The following FRMPD4 variants were observed in gnomAD, a reference collection of about 807,000 sequenced individuals.
FRMPD4 encodes the protein FERM and PDZ domain containing 4.
Under a neutral mutation model 94.1 loss-of-function variants are expected in FRMPD4, and 22 were observed. The observed-to-expected ratio is 0.23, with a 90% confidence interval of 0.17 to 0.33. The LOEUF is 0.33. Among genes scored for constraint, FRMPD4 ranks in the 10% least tolerant of loss-of-function variants. The pLI is 1.00. For synonymous variants in FRMPD4, 631 were observed against 548.6 expected, an observed-to-expected ratio of 1.15 and a Z score of -2.10; for missense variants, 1,111 against 1,339.9, an observed-to-expected ratio of 0.83 and a Z score of 2.67.
At chrX:12,553,925 G>C (rs989183053) in intron 2 of FRMPD4, among the ~76,000 whole-genome samples, 1 of 111,638 alleles carries the variant, frequency 9.0e-6, no homozygotes, top group Non-Finnish European at 1.9e-5. Flanking sequence ...AAATTTTATG[G>C]TTGTATTTTT....
chrX:12,685,569 T>TTGTTTC lies in FRMPD4; in HGVS notation c.574-523_574-522insCTGTTT, dbSNP rs747497280. On this transcript the variant is annotated intron_variant, in intron 6 of 16. Transcript: ENST00000675598. ...TCCCTTGGAGTTTTGTTTTTTGTTT[T>TTGTTTC]TGTTTTTGTTTTTGTTTTTGTTTTG... Among the ~76,000 whole-genome samples, 13 of 110,864 alleles carry TTGTTTC rather than the reference T, an allele frequency of 1.2e-4. No homozygotes were observed. The East Asian group carries it at 3.1e-3, about 26-fold the overall frequency.
intron 1 of FRMPD4, among the ~76,000 whole-genome samples, chrX:11,849,627 C>T (rs1323973195): frequency 7.5e-5 from 8 of 107,277 alleles, no homozygotes; most frequent in Non-Finnish European, 1.5e-4. Flanking sequence ...ATAACATGGT[C>T]AAATGATTTT....
At chrX:12,717,178 T>C (rs1434263659) in intron 15 of FRMPD4, 45 bp downstream of exon 15, 1 of 876,378 alleles carries the variant, frequency 1.1e-6, no homozygotes, top group Non-Finnish European at 1.6e-6. Flanking sequence ...ACCATATCAT[T>C]CCATCCTTCC....
intron 1 of FRMPD4, among the ~76,000 whole-genome samples, chrX:12,240,301 C>T (rs1485774145): frequency 8.9e-6 from 1 of 111,893 alleles, no homozygotes; most frequent in African/African-American, 3.2e-5. Context: ...AACTCTCAGG[C>T]GGTTTTAAGG....
chrX:12,041,515 G>A (rs1185876440), intron 3 of FRMPD4, among the ~76,000 whole-genome samples: 1 of 53,772 alleles, frequency 1.9e-5, no homozygotes, highest in Admixed American at 2.0e-4. Flanking sequence ...CTAATTTGAA[G>A]TCAGCTGTTG....
At chrX:12,182,968 C>A (rs2056379319) in intron 1 of FRMPD4, among the ~76,000 whole-genome samples, 2 of 111,357 alleles carry the variant, frequency 1.8e-5, no homozygotes, top group South Asian at 7.5e-4. Context: ...TCTGCTATAC[C>A]AAGGCAGGAG....
chrX:12,382,493 T>TAG (rs1293790415), intron 1 of FRMPD4, among the ~76,000 whole-genome samples: 1 of 78,067 alleles, frequency 1.3e-5, no homozygotes, highest in African/African-American at 5.6e-5. Flanking sequence ...TAGCATAGCA[T>TAG]AGCATAGCAT....
intron 3 of FRMPD4, among the ~76,000 whole-genome samples, chrX:12,013,143 T>C (rs932555262): frequency 8.9e-6 from 1 of 111,878 alleles, no homozygotes; most frequent in Non-Finnish European, 1.9e-5. Context: ...TAAGGAAATG[T>C]CTCTCAGCAG....
At chrX:12,551,089 T>C (rs967375545) in intron 2 of FRMPD4, among the ~76,000 whole-genome samples, 1 of 111,187 alleles carries the variant, frequency 9.0e-6, no homozygotes, top group Non-Finnish European at 1.9e-5. Context: ...TAGTTTATCA[T>C]GTAAACATAT....
intron 2 of FRMPD4, among the ~76,000 whole-genome samples, chrX:12,548,926 T>C (rs1258287445): frequency 1.8e-5 from 2 of 111,583 alleles, no homozygotes; most frequent in Non-Finnish European, 3.8e-5. Context: ...TCCTTCATAA[T>C]GAGTTCCTCC....
At chrX:12,332,251 C>A (rs2055441725) in intron 1 of FRMPD4, among the ~76,000 whole-genome samples, 1 of 81,347 alleles carries the variant, frequency 1.2e-5, no homozygotes, top group African/African-American at 4.8e-5. Flanking sequence ...GAGAATTTGG[C>A]CATGGACTGA....
chrX:11,957,172 T>C (rs1335358607), intron 3 of FRMPD4, among the ~76,000 whole-genome samples: 1 of 112,021 alleles, frequency 8.9e-6, no homozygotes, highest in Non-Finnish European at 1.9e-5. Flanking sequence ...ATCATGACTC[T>C]CATACATACA....
chrX:12,574,698 A>C (rs149249459), intron 2 of FRMPD4, among the ~76,000 whole-genome samples: 2,163 of 110,632 alleles, frequency 0.02, 56 homozygotes, highest in African/African-American at 0.068. Context: ...GAGTTTCGCC[A>C]TGCTGCCCAG....
intron 5 of FRMPD4, among the ~76,000 whole-genome samples, chrX:12,679,575 T>TG (rs1299413189): frequency 8.9e-6 from 1 of 111,991 alleles, no homozygotes; most frequent in African/African-American, 3.3e-5. Flanking sequence ...TTTATCACAC[T>TG]GGTGCACCTG....
intron 1 of FRMPD4, among the ~76,000 whole-genome samples, chrX:12,198,167 C>A (rs974616521): frequency 9.0e-5 from 10 of 111,572 alleles, no homozygotes; most frequent in Non-Finnish European, 1.9e-4. Context: ...AATTCTAAAC[C>A]TTTCTGGGAT....
chrX:12,719,815 G>A (rs1200558729), intron 16 of FRMPD4, among the ~76,000 whole-genome samples: 1 of 109,941 alleles, frequency 9.1e-6, no homozygotes, highest in African/African-American at 3.3e-5. Flanking sequence ...CTGTGAGATG[G>A]GGATTATTTG....
intron 1 of FRMPD4, among the ~76,000 whole-genome samples, chrX:12,182,761 A>G (rs2056376529): frequency 9.0e-6 from 1 of 111,137 alleles, no homozygotes; most frequent in Non-Finnish European, 1.9e-5. Context: ...TATCACCTAC[A>G]CAAATCAGTT....
intron 1 of FRMPD4, among the ~76,000 whole-genome samples, chrX:12,435,918 T>C (rs1311490808): frequency 8.9e-6 from 1 of 111,979 alleles, no homozygotes; most frequent in African/African-American, 3.2e-5. Flanking sequence ...CTTTGTAAAA[T>C]TTCCCAGATT....
At chrX:12,632,336 C>T (rs768767329) in intron 4 of FRMPD4, among the ~76,000 whole-genome samples, 43 of 111,550 alleles carry the variant, frequency 3.9e-4, no homozygotes, top group Non-Finnish European at 6.8e-4. Flanking sequence ...CTGTGAGAGA[C>T]CATTCTTCAT....
Sources: gnomAD v4.1 joint callset for allele counts (sites outside exome capture counted in the v4.1 genomes callset) on GRCh38, gnomAD v4.1.1 for gene constraint, MANE v1.5 for transcripts, NCBI Gene and HGNC (gene_info 2026-07-23, HGNC 2026-07-21) for gene names.